Variants in AOAH observed in about 807,000 individuals in gnomAD.
AOAH encodes acyloxyacyl hydrolase (neutrophil).
AOAH carries 64 observed loss-of-function variants against 92.2 expected under a neutral mutation model. The observed-to-expected ratio is 0.69, with a 90% CI of 0.57 to 0.86. The LOEUF (loss-of-function observed/expected upper bound fraction) is 0.86. Ranked by LOEUF, AOAH falls within the 40% of genes least tolerant of loss-of-function variation. The pLI is 0.00. For missense variants in AOAH, 656 were observed against 694.6 expected, an observed-to-expected ratio of 0.94 and a Z score of 0.62; for synonymous variants, 263 against 254.5, an observed-to-expected ratio of 1.03 and a Z score of -0.32.
At chr7:36,652,593 G>A (rs949126666) in intron 4 of AOAH, among the ~76,000 whole-genome samples, 1 of 152,212 alleles carries the variant, frequency 6.6e-6, no homozygotes, top group African/African-American at 2.4e-5. Flanking sequence ...CCCTTTCACC[G>A]AGTGATGAAG....
chr7:36,601,701 T>G (rs1360763191), intron 11 of AOAH, among the ~76,000 whole-genome samples: 3 of 152,186 alleles, frequency 2.0e-5, no homozygotes, highest in Non-Finnish European at 4.4e-5. Flanking sequence ...CAGAGTACTG[T>G]GTCAGCACAT....
intron 1 of AOAH, among the ~76,000 whole-genome samples, chr7:36,718,820 G>C (rs1287919242): frequency 6.6e-6 from 1 of 152,164 alleles, no homozygotes; most frequent in Non-Finnish European, 1.5e-5. Flanking sequence ...AAGAGAATTG[G>C]ATTTTTGGGG....
chr7:36,628,814 G>A (rs1043189782), intron 6 of AOAH, among the ~76,000 whole-genome samples: 2 of 152,224 alleles, frequency 1.3e-5, no homozygotes, highest in African/African-American at 4.8e-5. Context: ...CGCAGGTCTT[G>A]TCTCTACCAC....
chr7:36,661,311 C>T (rs1360701087), intron 3 of AOAH: 3 of 152,148 alleles, frequency 2.0e-5, no homozygotes, highest in East Asian at 1.9e-4. Context: ...AAGAGAAGCT[C>T]GAGTGAGCTG....
intron 13 of AOAH, among the ~76,000 whole-genome samples, chr7:36,561,972 C>T (rs1314803543): frequency 2.0e-5 from 3 of 152,132 alleles, no homozygotes; most frequent in Admixed American, 6.5e-5. Flanking sequence ...CAAACAGCTA[C>T]CCAAGGAGTG....
At chr7:36,689,022 G>A (rs542717272) in intron 1 of AOAH, among the ~76,000 whole-genome samples, 1 of 152,072 alleles carries the variant, frequency 6.6e-6, no homozygotes. Flanking sequence ...CGAACTCCTG[G>A]CCTCAAGTGA....
At chr7:36,533,376 T>C (rs539663544) in intron 16 of AOAH, among the ~76,000 whole-genome samples, 1 of 152,252 alleles carries the variant, frequency 6.6e-6, no homozygotes, top group South Asian at 2.1e-4. Context: ...CACTTATACC[T>C]CTGATTAGTT....
intron 9 of AOAH, among the ~76,000 whole-genome samples, chr7:36,620,554 T>C (rs1349534905): frequency 6.6e-6 from 1 of 152,220 alleles, no homozygotes; most frequent in African/African-American, 2.4e-5. Context: ...TGGGTGACCT[T>C]AAGCAAGGCT....
chr7:36,714,154 G>A (rs1361325657), intron 1 of AOAH, among the ~76,000 whole-genome samples: 5 of 152,090 alleles, frequency 3.3e-5, no homozygotes, highest in Non-Finnish European at 5.9e-5. Flanking sequence ...TATCACCACC[G>A]ATCCCACAGA....
intron 16 of AOAH, among the ~76,000 whole-genome samples, chr7:36,533,178 G>A (rs1018228318): frequency 9.2e-5 from 14 of 151,660 alleles, no homozygotes; most frequent in South Asian, 2.1e-4. Context: ...TATCCACCCC[G>A]CTGAAGCAAT....
intron 11 of AOAH, among the ~76,000 whole-genome samples, chr7:36,610,549 C>T (rs1425452838): frequency 6.7e-6 from 1 of 149,990 alleles, no homozygotes; most frequent in East Asian, 1.9e-4. Flanking sequence ...CAAAACAAGC[C>T]TGATACTCCA....
intron 11 of AOAH, among the ~76,000 whole-genome samples, chr7:36,604,723 C>G (rs1583922295): frequency 6.6e-6 from 1 of 152,182 alleles, no homozygotes; most frequent in South Asian, 2.1e-4. Flanking sequence ...CTAACTTTCC[C>G]CCAGCCCTGG....
At chr7:36,550,602 G>A (rs1786160410) in intron 13 of AOAH, among the ~76,000 whole-genome samples, 1 of 152,198 alleles carries the variant, frequency 6.6e-6, no homozygotes, top group Non-Finnish European at 1.5e-5. Context: ...GCTTCCTGTG[G>A]ACAGTGCTCC....
chr7:36,693,359 C>T (rs945354219), intron 1 of AOAH, among the ~76,000 whole-genome samples: 3 of 152,202 alleles, frequency 2.0e-5, no homozygotes, highest in Middle Eastern at 3.4e-3. Context: ...TATCTAAATA[C>T]TATAGTGACT....
At chr7:36,576,730 A>C in intron 12 of AOAH, 74 bp from the exon 13 acceptor site, 1 of 712,486 alleles carries the variant, frequency 1.4e-6, no homozygotes, top group South Asian at 2.4e-5. Context: ...CCATGTTTAC[A>C]TCACGCTTTT....
At chr7:36,574,826 T>A (rs745534001) in intron 13 of AOAH, among the ~76,000 whole-genome samples, 1 of 152,234 alleles carries the variant, frequency 6.6e-6, no homozygotes, top group Non-Finnish European at 1.5e-5. Context: ...TTTCTATATT[T>A]TCTACCAATC....
intron 4 of AOAH, among the ~76,000 whole-genome samples, chr7:36,651,595 G>GAAAACT (rs1210149151): frequency 2.0e-5 from 3 of 152,168 alleles, no homozygotes; most frequent in Non-Finnish European, 2.9e-5. Context: ...GATATTTTAT[G>GAAAACT]AAAACTAAAA....
At chr7:36,542,799 TATA>T (rs1204491580) in intron 15 of AOAH, among the ~76,000 whole-genome samples, 4 of 152,214 alleles carry the variant, frequency 2.6e-5, no homozygotes, top group African/African-American at 9.6e-5. Context: ...CCATTAGGAA[TATA>T]ATAACTAGAT....
intron 12 of AOAH, among the ~76,000 whole-genome samples, chr7:36,592,019 T>C (rs1789780482): frequency 1.3e-5 from 2 of 152,202 alleles, no homozygotes; most frequent in Admixed American, 1.3e-4. Flanking sequence ...GGCAACTTCA[T>C]GGGGCCAAAA....
Sources: allele counts gnomAD v4.1 joint callset (sites outside exome capture counted in the v4.1 genomes callset), GRCh38; gene constraint gnomAD v4.1.1; transcripts MANE v1.5; gene names NCBI Gene and HGNC (gene_info 2026-07-23, HGNC 2026-07-21).